ATP8A1: variants seen among roughly 807,000 people sequenced by gnomAD.
The protein encoded by ATP8A1 is ATPase phospholipid transporting 8A1, also known as phospholipid-transporting ATPase IA.
A neutral mutation model predicts 177.7 loss-of-function variants in ATP8A1; 90 were observed. That is an observed-to-expected ratio of 0.51 (90% CI 0.43 to 0.60). The LOEUF (loss-of-function observed/expected upper bound fraction) is 0.60. Among genes scored for constraint, ATP8A1 ranks in the 20% least tolerant of loss-of-function variants. The probability of loss-of-function intolerance (pLI) is 0.00; values close to 1 mark genes in which losing one functional copy is unlikely to be tolerated. For missense variants in ATP8A1, 1,072 were observed against 1,392.8 expected, an observed-to-expected ratio of 0.77 and a Z score of 3.67; for synonymous variants, 493 against 485.9, an observed-to-expected ratio of 1.01 and a Z score of -0.19.
intron 4 of ATP8A1, among the ~76,000 whole-genome samples, chr4:42,618,745 A>G (rs542154944): frequency 1.3e-5 from 2 of 152,336 alleles, no homozygotes; most frequent in East Asian, 3.9e-4. Context: ...GTATGTAGCC[A>G]TGTTAGATAG....
intron 15 of ATP8A1, among the ~76,000 whole-genome samples, chr4:42,559,670 T>C (rs1265203935): frequency 2.0e-5 from 3 of 152,234 alleles, no homozygotes; most frequent in African/African-American, 4.8e-5. Context: ...TACTTTGCAG[T>C]ACTTGTTTTT....
intron 1 of ATP8A1, among the ~76,000 whole-genome samples, chr4:42,655,258 A>T (rs1021732937): frequency 2.0e-5 from 3 of 152,118 alleles, no homozygotes; most frequent in African/African-American, 7.2e-5. Context: ...ACCTTCACCA[A>T]CCTCCAGGAG....
At chr4:42,444,522 G>A in intron 32 of ATP8A1, 56 bp downstream of exon 32, 1 of 1,517,916 alleles carries the variant, frequency 6.6e-7, no homozygotes, top group Admixed American at 1.7e-5. Context: ...ACCAAGACTG[G>A]AGATAATGCA....
chr4:42,485,749 C>A (rs1578029750), intron 24 of ATP8A1, 81 bp from the exon 25 acceptor site: 1 of 1,199,198 alleles, frequency 8.3e-7, no homozygotes, highest in East Asian at 2.5e-5. Context: ...TATTTGGCAA[C>A]TACATTTAGT....
intron 16 of ATP8A1, among the ~76,000 whole-genome samples, chr4:42,555,199 C>CT (rs1730066824): frequency 9.5e-6 from 1 of 105,148 alleles, no homozygotes; most frequent in Non-Finnish European, 2.0e-5. Context: ...TCTATCTATC[C>CT]TATTAGTTCT....
intron 25 of ATP8A1, among the ~76,000 whole-genome samples, chr4:42,480,907 A>C (rs984664719): frequency 6.6e-6 from 1 of 152,240 alleles, no homozygotes; most frequent in African/African-American, 2.4e-5. Context: ...ATGAGTACAT[A>C]AATTATGTAG....
chr4:42,574,487 T>C (rs1246557821), intron 14 of ATP8A1, 132 bp downstream of exon 14: 2 of 700,606 alleles, frequency 2.9e-6, no homozygotes, highest in East Asian at 3.0e-5. Context: ...CCTAAAATTA[T>C]AACAGCTGCT....
At chr4:42,572,973 G>C (rs1213299768) in intron 14 of ATP8A1, among the ~76,000 whole-genome samples, 1 of 152,156 alleles carries the variant, frequency 6.6e-6, no homozygotes, top group African/African-American at 2.4e-5. Context: ...ACAATACTGA[G>C]CTCAGACCCA....
At chr4:42,594,529 G>A (rs1734529479) in intron 6 of ATP8A1, among the ~76,000 whole-genome samples, 1 of 151,926 alleles carries the variant, frequency 6.6e-6, no homozygotes, top group Admixed American at 6.6e-5. Flanking sequence ...GACCAGGGTT[G>A]GAGGAATCCT....
chr4:42,599,951 T>C (rs919429254), intron 6 of ATP8A1, among the ~76,000 whole-genome samples: 1 of 152,234 alleles, frequency 6.6e-6, no homozygotes, highest in Non-Finnish European at 1.5e-5. Flanking sequence ...TGTTAAATTA[T>C]GACTTAACCT....
At chr4:42,578,522 T>C in intron 11 of ATP8A1, 135 bp from the exon 12 acceptor site, 1 of 946,652 alleles carries the variant, frequency 1.1e-6, no homozygotes, top group Non-Finnish European at 1.6e-6. Context: ...GCTGATAATC[T>C]ATCCTAATTC....
chr4:42,567,027 C>A (rs753584587), intron 15 of ATP8A1, among the ~76,000 whole-genome samples: 1 of 152,164 alleles, frequency 6.6e-6, no homozygotes, highest in Non-Finnish European at 1.5e-5. Flanking sequence ...TACATTCTTC[C>A]AGATGAGGAC....
chr4:42,518,751 A>C (rs1725821761), intron 22 of ATP8A1, among the ~76,000 whole-genome samples: 1 of 152,236 alleles, frequency 6.6e-6, no homozygotes, highest in Admixed American at 6.5e-5. Flanking sequence ...TAGATTGCAT[A>C]AACAGCATGT....
chr4:42,446,160 TAA>T (rs1350779749), intron 31 of ATP8A1, among the ~76,000 whole-genome samples: 1 of 150,928 alleles, frequency 6.6e-6, no homozygotes, highest in Admixed American at 6.6e-5. Flanking sequence ...CTGGATACTG[TAA>T]AGTGTCCCCA....
rs368090353 is a variant in ATP8A1, at chr4:42,507,135, G to C, written c.1967C>G (p.Ala656Gly). The C allele has an allele frequency of 6.2e-7, 1 of 1,612,696 alleles. No homozygotes were observed. The highest frequency in any genetic ancestry group is 1.3e-5 in the African/African-American group (1 of 74,866). Residue 656 changes from alanine (A) to glycine (G), a missense_variant, in exon 23 of 37, where the codon GCA (alanine) becomes GGA (glycine). Transcript: ENST00000381668. ...LIEKNLQLLGATAIEDKLQDQ... is the reference protein window; with the variant it reads ...LIEKNLQLLGGTAIEDKLQDQ... ...TTGTAATTTATCCTCAATGGCTGTT[G>C]CTCCAAGTAGCTGAAGATTCTGAAA...
At chr4:42,600,427 T>C (rs1258275755) in intron 6 of ATP8A1, 51 bp downstream of exon 6, 1 of 1,505,354 alleles carries the variant, frequency 6.6e-7, no homozygotes, top group Non-Finnish European at 9.1e-7. Context: ...TATACTAGAG[T>C]ACACCGCTAT....
intron 25 of ATP8A1, among the ~76,000 whole-genome samples, chr4:42,470,511 T>C (rs1720282527): frequency 6.6e-6 from 1 of 152,156 alleles, no homozygotes; most frequent in African/African-American, 2.4e-5. Context: ...TTTAAGGAAT[T>C]TTTTATAGGT....
intron 4 of ATP8A1, 75 bp from the exon 5 acceptor site, chr4:42,616,153 A>T: frequency 8.0e-7 from 1 of 1,255,824 alleles, no homozygotes; most frequent in Non-Finnish European, 1.1e-6. Context: ...ACTCATACCA[A>T]AAAAGATTTA....
At chr4:42,422,732 C>A in intron 35 of ATP8A1, 75 bp downstream of exon 35, 2 of 1,162,150 alleles carry the variant, frequency 1.7e-6, no homozygotes, top group Non-Finnish European at 2.5e-6. Context: ...CAAGTCTTAT[C>A]ACTTATTTCC....
Sources: gnomAD v4.1 joint callset for allele counts (sites outside exome capture counted in the v4.1 genomes callset) on GRCh38, gnomAD v4.1.1 for gene constraint, MANE v1.5 for transcripts, NCBI Gene and HGNC (gene_info 2026-07-23, HGNC 2026-07-21) for gene names.